The following LARGE1 variants were observed in gnomAD, a reference collection of about 807,000 sequenced individuals.
The protein encoded by LARGE1 is xylosyl- and glucuronyltransferase LARGE1.
LARGE1 carries 43 observed loss-of-function variants against 87.6 expected under a neutral mutation model. The ratio of observed to expected loss-of-function variants is 0.49; its 90% CI spans 0.38 to 0.63. LARGE1 has a LOEUF of 0.63. LARGE1 is among the 30% of genes least tolerant of loss of function. The probability of loss-of-function intolerance (pLI) is 0.00; values close to 1 mark genes in which losing one functional copy is unlikely to be tolerated. For synonymous variants in LARGE1, 434 were observed against 394.6 expected (o/e 1.10, Z -1.18); for missense variants, 802 against 1,000.2 (o/e 0.80, Z 2.67).
chr22:33,421,237 TCAA>T, intron 7 of LARGE1, among the ~76,000 whole-genome samples: 1 of 149,530 alleles, frequency 6.7e-6, no homozygotes, highest in African/African-American at 2.5e-5. Context: ...AATCAATCAA[TCAA>T]TCAATAAAGG....
intron 2 of LARGE1, among the ~76,000 whole-genome samples, chr22:33,740,373 C>A (rs2083834296): frequency 6.6e-6 from 1 of 152,200 alleles, no homozygotes. Flanking sequence ...TGCTCTCAGC[C>A]TTAAATTCTT....
At chr22:33,916,048 C>T (rs2065777408) in intron 1 of LARGE1, among the ~76,000 whole-genome samples, 2 of 151,990 alleles carry the variant, frequency 1.3e-5, no homozygotes, top group African/African-American at 4.8e-5. Context: ...TTTGGGAGGC[C>T]GAGACAGGTG....
At chr22:33,776,006 A>C (rs454398) in intron 1 of LARGE1, among the ~76,000 whole-genome samples, 138,473 of 152,254 alleles carry the variant, frequency 0.91, 63,110 homozygotes, top group East Asian at 0.97. Flanking sequence ...GACTGAGAAA[A>C]CCTGGTTTAA....
intron 4 of LARGE1, among the ~76,000 whole-genome samples, chr22:33,616,869 C>T (rs948931417): frequency 1.3e-5 from 2 of 152,158 alleles, no homozygotes; most frequent in East Asian, 1.9e-4. Context: ...TATAAAAATG[C>T]TCTGATATTA....
At chr22:33,662,161 G>A (rs1247212990) in intron 2 of LARGE1, among the ~76,000 whole-genome samples, 1 of 150,688 alleles carries the variant, frequency 6.6e-6, no homozygotes, top group African/African-American at 2.4e-5. Context: ...ATTCAAAGCT[G>A]TCCACAGGTT....
At chr22:33,878,010 A>T (rs564394639) in intron 1 of LARGE1, among the ~76,000 whole-genome samples, 106 of 151,168 alleles carry the variant, frequency 7.0e-4, no homozygotes, top group African/African-American at 2.5e-3. Context: ...ATATATATAT[A>T]TTTTGGTTAT....
At chr22:33,592,773 C>G (rs1233883946) in intron 5 of LARGE1, among the ~76,000 whole-genome samples, 1 of 152,062 alleles carries the variant, frequency 6.6e-6, no homozygotes, top group East Asian at 1.9e-4. Flanking sequence ...TGCAAAGAAG[C>G]TATAGTTTCT....
the LARGE1 span, among the ~76,000 whole-genome samples, chr22:33,097,930 T>C: frequency 6.6e-6 from 1 of 152,222 alleles, no homozygotes; most frequent in East Asian, 1.9e-4. Context: ...ATGAAACCCT[T>C]GGAATGTCCA....
intron 3 of LARGE1, among the ~76,000 whole-genome samples, chr22:33,634,958 A>C (rs2080226330): frequency 6.6e-6 from 1 of 152,030 alleles, no homozygotes; most frequent in Non-Finnish European, 1.5e-5. Flanking sequence ...CTACTAAAAA[A>C]AATACAAAAA....
chr22:33,908,248 T>C (rs1268106883), intron 1 of LARGE1, among the ~76,000 whole-genome samples: 1 of 152,082 alleles, frequency 6.6e-6, no homozygotes, highest in East Asian at 1.9e-4. Context: ...TGAGATGCAG[T>C]TTTACTGAAA....
intron 2 of LARGE1, among the ~76,000 whole-genome samples, chr22:33,743,761 G>A (rs1249027494): frequency 6.6e-6 from 1 of 152,186 alleles, no homozygotes; most frequent in African/African-American, 2.4e-5. Context: ...GGGAGTCCTC[G>A]ACTTGTCACA....
intron 6 of LARGE1, among the ~76,000 whole-genome samples, chr22:33,547,150 C>G (rs1446306385): frequency 6.6e-6 from 1 of 151,580 alleles, no homozygotes. Context: ...GATACCTAAA[C>G]TGTATGTACA....
Position 33,364,179 on chromosome 22 carries a change from C to T in LARGE1, c.1131+17740G>A, listed in dbSNP as rs562128726. ...ACGCCATTCTCCTGCCTCAGCCTCC[C>T]GAGTAGCTGGGACTACAGGCGCCCG... On this transcript the variant is annotated intron_variant, in intron 9 of 14. Transcript: ENST00000397394. Among the ~76,000 whole-genome samples the T allele has an allele frequency of 1.9e-4, 29 of 152,216 alleles. No homozygotes were observed. The East Asian group carries it at 4.5e-3, about 23-fold the overall frequency.
intron 11 of LARGE1, among the ~76,000 whole-genome samples, chr22:33,258,325 C>T (rs946191388): frequency 6.6e-6 from 1 of 152,244 alleles, no homozygotes; most frequent in African/African-American, 2.4e-5. Context: ...AGCCACCATG[C>T]TCAGCCAAGC....
At chr22:33,866,694 G>A (rs1454324763) in intron 1 of LARGE1, among the ~76,000 whole-genome samples, 1 of 152,192 alleles carries the variant, frequency 6.6e-6, no homozygotes, top group Non-Finnish European at 1.5e-5. Flanking sequence ...ACCAGATGGA[G>A]CCCTAGAATG....
chr22:33,472,073 T>C (rs191555740), intron 6 of LARGE1, among the ~76,000 whole-genome samples: 1 of 151,808 alleles, frequency 6.6e-6, no homozygotes, highest in Non-Finnish European at 1.5e-5. Context: ...AGAGCCTCAG[T>C]GGAGAGCCAG....
At chr22:33,499,303 C>T (rs576129786) in intron 6 of LARGE1, among the ~76,000 whole-genome samples, 21 of 152,326 alleles carry the variant, frequency 1.4e-4, no homozygotes, top group African/African-American at 3.6e-4. Context: ...TTGTGGCAGC[C>T]GTTCGGTTTA....
intron 11 of LARGE1, among the ~76,000 whole-genome samples, chr22:33,171,052 AG>A (rs1922545243): frequency 6.6e-6 from 1 of 152,208 alleles, no homozygotes; most frequent in African/African-American, 2.4e-5. Context: ...ACTGGAGCAA[AG>A]GTCACTCTTG....
chr22:33,479,784 G>A (rs1280556675), intron 6 of LARGE1, among the ~76,000 whole-genome samples: 12 of 146,366 alleles, frequency 8.2e-5, no homozygotes, highest in Admixed American at 2.1e-4. Context: ...TCACTTTGTC[G>A]CCCAGGCTGG....
Sources: allele counts gnomAD v4.1 joint callset (sites outside exome capture counted in the v4.1 genomes callset), GRCh38; gene constraint gnomAD v4.1.1; transcripts MANE v1.5; gene names NCBI Gene and HGNC (gene_info 2026-07-23, HGNC 2026-07-21).